The following GSK3B variants were observed in gnomAD, a reference collection of about 807,000 sequenced individuals.
GSK3B encodes glycogen synthase kinase-3 beta.
A neutral mutation model predicts 56.4 loss-of-function variants in GSK3B; 15 were observed. That is an observed-to-expected ratio of 0.27 (90% CI 0.18 to 0.41). The LOEUF (loss-of-function observed/expected upper bound fraction) is 0.41, where lower values mean the gene tolerates loss of function less well. Ranked by LOEUF, GSK3B falls within the 10% of genes least tolerant of loss-of-function variation. The pLI, the probability that GSK3B is intolerant of heterozygous loss-of-function variation, is 1.00. For synonymous variants in GSK3B, 181 were observed against 188.9 expected, an observed-to-expected ratio of 0.96 and a Z score of 0.34; for missense variants, 300 against 513.4, an observed-to-expected ratio of 0.58 and a Z score of 4.02.
rs984168678 is a variant in GSK3B at position 119,825,919 on chromosome 3, G to T, written c.*869C>A. 8.8e-5 allele frequency: 19 copies of T among 215,340 alleles called. No individual in the cohort carries two copies. Among genetic ancestry groups the T allele is most frequent in the African/African-American group, 3.6e-4 (16 of 44,258 alleles). The allele number at this position is 215,340 out of a possible 1,614,324, so 13.3% of individuals were successfully genotyped here. On this transcript the variant is annotated 3_prime_UTR_variant, in exon 11 of 11. Transcript: ENST00000264235. The stretch of plus-strand genomic sequence containing the variant: ...CCTTCCTCTGGGCTCATCAGCCTTT[G>T]ACCTCAGCAGCTAGCTCAGCCTGCT...
At chr3:119,994,104 C>T (rs186405340) in intron 2 of GSK3B, among the ~76,000 whole-genome samples, 234 of 152,182 alleles carry the variant, frequency 1.5e-3, no homozygotes, top group Middle Eastern at 3.4e-3. Context: ...CCTCGTGATC[C>T]GCCCGCCTCG....
intron 1 of GSK3B, among the ~76,000 whole-genome samples, chr3:120,004,402 G>GCC (rs1170516012): frequency 6.6e-6 from 1 of 152,196 alleles, no homozygotes; most frequent in Non-Finnish European, 1.5e-5. Flanking sequence ...TGACAGCTCT[G>GCC]AAGACAGCAA....
At chr3:119,908,385 G>A (rs1171679189) in intron 6 of GSK3B, among the ~76,000 whole-genome samples, 2 of 152,118 alleles carry the variant, frequency 1.3e-5, no homozygotes, top group African/African-American at 4.8e-5. Flanking sequence ...AAAGACAAGG[G>A]GCTGAAATTT....
intron 2 of GSK3B, among the ~76,000 whole-genome samples, chr3:119,962,811 T>C (rs1315386962): frequency 6.6e-6 from 1 of 152,144 alleles, no homozygotes; most frequent in African/African-American, 2.4e-5. Flanking sequence ...GTGGGAAGGT[T>C]TCAGGATGAA....
intron 1 of GSK3B, among the ~76,000 whole-genome samples, chr3:120,068,256 T>TAC (rs1177113401): frequency 6.6e-6 from 1 of 151,854 alleles, no homozygotes; most frequent in African/African-American, 2.4e-5. Context: ...CCAGACATGG[T>TAC]GGCACGCGCC....
At chr3:120,032,902 A>G (rs1031251228) in intron 1 of GSK3B, among the ~76,000 whole-genome samples, 1 of 152,212 alleles carries the variant, frequency 6.6e-6, no homozygotes, top group East Asian at 1.9e-4. Context: ...TCACCCAACT[A>G]AAGTGCACAT....
At chr3:120,043,711 A>G (rs1475712631) in intron 1 of GSK3B, among the ~76,000 whole-genome samples, 2 of 152,146 alleles carry the variant, frequency 1.3e-5, no homozygotes, top group African/African-American at 4.8e-5. Context: ...CCATCTCACC[A>G]TTGTAACCCA....
intron 5 of GSK3B, among the ~76,000 whole-genome samples, chr3:119,914,545 T>C (rs1390499632): frequency 6.6e-6 from 1 of 152,108 alleles, no homozygotes; most frequent in Non-Finnish European, 1.5e-5. Flanking sequence ...ATATCTGATT[T>C]GGGCAGTTTT....
chr3:119,929,556 C>A (rs1424584970), intron 3 of GSK3B, among the ~76,000 whole-genome samples: 1 of 152,008 alleles, frequency 6.6e-6, no homozygotes, highest in Non-Finnish European at 1.5e-5. Context: ...TCACTTGAGT[C>A]CAGGAGTTCA....
intron 2 of GSK3B, among the ~76,000 whole-genome samples, chr3:119,960,825 C>A (rs2057264496): frequency 6.6e-6 from 1 of 152,106 alleles, no homozygotes; most frequent in Non-Finnish European, 1.5e-5. Context: ...GTCCATCCCT[C>A]CCCACTATAA....
intron 7 of GSK3B, among the ~76,000 whole-genome samples, chr3:119,896,683 T>C (rs1194912772): frequency 6.6e-6 from 1 of 152,164 alleles, no homozygotes; most frequent in Non-Finnish European, 1.5e-5. Context: ...TAAGAATCAT[T>C]GGTGTCAAAC....
chr3:119,952,892 G>C (rs922626310), intron 2 of GSK3B, among the ~76,000 whole-genome samples: 1 of 151,758 alleles, frequency 6.6e-6, no homozygotes, highest in Non-Finnish European at 1.5e-5. Flanking sequence ...ATGTTAACTG[G>C]AATTCACAAA....
intron 7 of GSK3B, among the ~76,000 whole-genome samples, chr3:119,886,127 A>C (rs553169681): frequency 1.3e-5 from 2 of 152,246 alleles, no homozygotes; most frequent in Admixed American, 6.6e-5. Flanking sequence ...GAGAAAACAG[A>C]CACAAACTAC....
intron 7 of GSK3B, among the ~76,000 whole-genome samples, chr3:119,904,664 A>G (rs2056664186): frequency 6.6e-6 from 1 of 152,212 alleles, no homozygotes; most frequent in South Asian, 2.1e-4. Flanking sequence ...ACAGCTCAGT[A>G]CAATAAAAAC....
rs541330975 is a variant in GSK3B at position 119,973,159 on chromosome 3, T to TTACTAC, written c.283-25814_283-25809dup. Reference sequence around the variant, plus strand: ...TATTAACCCTAAGTAGTAAGCATTATTACTACTACTACTACTACATTAGTC... The same window carrying TTACTAC: ...TATTAACCCTAAGTAGTAAGCATTATTACTACTACTACTACTACTACTACATTAGTC... On this transcript the variant is annotated intron_variant, in intron 2 of 10. Transcript: ENST00000264235. 2.6e-5 allele frequency among the ~76,000 whole-genome samples: 4 copies of TTACTAC among 152,206 alleles called. No individual in the cohort carries two copies. The East Asian group carries it at 7.7e-4, about 29-fold the overall frequency.
rs2057110752 is a variant in GSK3B at position 119,947,367 on chromosome 3, A to G, written c.283-16T>C. ...GCTCTCGATTCTGAAAAGGAAACAC[A>G]TAAAAATATATTTTTAAAGGATAAC... On this transcript the variant is annotated splice_polypyrimidine_tract_variant and intron_variant, in intron 2 of 10. Coordinates refer to ENST00000264235, the MANE Select transcript of GSK3B (RefSeq NM_001146156.2). 2.1e-6 allele frequency: 3 copies of G among 1,452,592 alleles called. No individual in the cohort carries two copies. The highest frequency in any genetic ancestry group is 9.7e-7 in the Non-Finnish European group (1 of 1,034,886). The allele number at this position is 1,452,592 out of a possible 1,614,324, so 90.0% of individuals were successfully genotyped here.
At chr3:119,999,700 G>A (rs567935005) in intron 2 of GSK3B, among the ~76,000 whole-genome samples, 4 of 152,302 alleles carry the variant, frequency 2.6e-5, no homozygotes, top group African/African-American at 9.6e-5. Flanking sequence ...AATCATCTGG[G>A]AAGTTTCATA....
chr3:120,000,918 C>CTTTTTT (rs71156781), intron 2 of GSK3B, among the ~76,000 whole-genome samples: 30 of 91,052 alleles, frequency 3.3e-4, no homozygotes, highest in African/African-American at 5.2e-4. Context: ...ATGTAATCTC[C>CTTTTTT]TTTTTTTTTT....
At chr3:120,027,966 A>G (rs951844933) in intron 1 of GSK3B, among the ~76,000 whole-genome samples, 5 of 152,212 alleles carry the variant, frequency 3.3e-5, no homozygotes, top group Non-Finnish European at 7.3e-5. Context: ...AAAAAATCCA[A>G]TATGCTTATA....
Sources: gnomAD v4.1 joint callset for allele counts (sites outside exome capture counted in the v4.1 genomes callset) on GRCh38, gnomAD v4.1.1 for gene constraint, MANE v1.5 for transcripts, NCBI Gene and HGNC (gene_info 2026-07-23, HGNC 2026-07-21) for gene names.